MTA3: variants seen among roughly 807,000 people sequenced by gnomAD.
MTA3 encodes metastasis associated 1 family member 3, also known as metastasis-associated protein MTA3.
A neutral mutation model predicts 83.5 loss-of-function variants in MTA3; 34 were observed. The ratio of observed to expected loss-of-function variants is 0.41; its 90% CI spans 0.31 to 0.54. The LOEUF is 0.54. Among genes scored for constraint, MTA3 ranks in the 20% least tolerant of loss-of-function variants. The pLI is 0.33. For missense variants in MTA3, 761 were observed against 726.4 expected, an observed-to-expected ratio of 1.05 and a Z score of -0.55; for synonymous variants, 303 against 252.7, an observed-to-expected ratio of 1.20 and a Z score of -1.89.
chr2:42,535,997 G>A (rs1263621148), intron 2 of MTA3, among the ~76,000 whole-genome samples: 2 of 149,788 alleles, frequency 1.3e-5, no homozygotes, highest in African/African-American at 4.9e-5. Context: ...AGGCAGATCT[G>A]TTGTCACAGC....
chr2:42,655,579 T>A (rs1689090930), intron 6 of MTA3, among the ~76,000 whole-genome samples: 1 of 152,210 alleles, frequency 6.6e-6, no homozygotes, highest in African/African-American at 2.4e-5. Context: ...TTATGCATAG[T>A]TTAAACATCT....
intron 16 of MTA3, among the ~76,000 whole-genome samples, chr2:42,747,747 C>T (rs905160351): frequency 2.0e-5 from 3 of 151,854 alleles, no homozygotes; most frequent in African/African-American, 7.3e-5. Flanking sequence ...TATATCACAC[C>T]TATAAAGACA....
Position 42,635,973 on chromosome 2 carries a change from C to T in MTA3, c.318-4200C>T, listed in dbSNP as rs146615915. ...TAGAGATGGAGTTTCACCATGTTGCCCAGGCTGGTCTTGAACTATACCTGA... is the reference window on the plus strand; with the variant it reads ...TAGAGATGGAGTTTCACCATGTTGCTCAGGCTGGTCTTGAACTATACCTGA... On this transcript the variant is annotated intron_variant, in intron 4 of 16. Coordinates refer to ENST00000405094, the MANE Select transcript of MTA3 (RefSeq NM_001330442.2). Among the ~76,000 whole-genome samples, 507 of 152,158 alleles carry T rather than the reference C, an allele frequency of 3.3e-3. 4 individuals carry two copies. The highest frequency in any genetic ancestry group is 0.011 in the African/African-American group (463 of 41,496).
At chr2:42,694,405 C>G (rs1032147934) in intron 9 of MTA3, among the ~76,000 whole-genome samples, 1 of 152,162 alleles carries the variant, frequency 6.6e-6, no homozygotes, top group African/African-American at 2.4e-5. Context: ...AGCCCATGGT[C>G]ATGAGGCTTG....
intron 11 of MTA3, among the ~76,000 whole-genome samples, chr2:42,701,323 G>A (rs1482297250): frequency 7.0e-6 from 1 of 143,874 alleles, no homozygotes; most frequent in African/African-American, 2.6e-5. Flanking sequence ...TTAAAGGCCA[G>A]GCATGGTGGC....
chr2:42,669,118 T>C (rs1192580541), intron 8 of MTA3, among the ~76,000 whole-genome samples: 11 of 145,890 alleles, frequency 7.5e-5, no homozygotes, highest in Non-Finnish European at 1.3e-4. Context: ...GTAGTCTCGC[T>C]CTGTCACCCA....
intron 2 of MTA3, among the ~76,000 whole-genome samples, chr2:42,514,322 T>A (rs1675037035): frequency 6.6e-6 from 1 of 152,224 alleles, no homozygotes; most frequent in Non-Finnish European, 1.5e-5. Context: ...ATTTATATGA[T>A]GCTTGTAAAA....
chr2:42,657,159 A>G (rs549510225), intron 7 of MTA3, among the ~76,000 whole-genome samples: 3 of 152,250 alleles, frequency 2.0e-5, no homozygotes, highest in Admixed American at 2.0e-4. Flanking sequence ...GCAAAATATT[A>G]CTATGAGTTA....
At chr2:42,517,834 A>ATGCCAC (rs1436146057) in intron 2 of MTA3, among the ~76,000 whole-genome samples, 3 of 141,806 alleles carry the variant, frequency 2.1e-5, no homozygotes, top group Non-Finnish European at 4.5e-5. Flanking sequence ...AGCTGAGATC[A>ATGCCAC]TGCCACTGCA....
intron 3 of MTA3, among the ~76,000 whole-genome samples, chr2:42,588,293 T>C (rs1680572590): frequency 6.6e-6 from 1 of 152,224 alleles, no homozygotes; most frequent in Non-Finnish European, 1.5e-5. Flanking sequence ...GGTGGAGTTT[T>C]ACTATGTATT....
At chr2:42,634,809 A>G (rs931431855) in intron 4 of MTA3, among the ~76,000 whole-genome samples, 14 of 152,080 alleles carry the variant, frequency 9.2e-5, no homozygotes, top group African/African-American at 3.4e-4. Flanking sequence ...TATTCCTACT[A>G]TTAATTTTTC....
intron 8 of MTA3, among the ~76,000 whole-genome samples, chr2:42,661,506 CAA>C (rs1296698587): frequency 4.0e-4 from 11 of 27,198 alleles, no homozygotes; most frequent in African/African-American, 2.2e-3. Flanking sequence ...GACCCTGTCT[CAA>C]AAAAAAAAAA....
Position 42,640,236 on chromosome 2 carries a change from G to A in MTA3, c.381G>A (p.Glu127=). 1 of 1,598,054 alleles carries A rather than the reference G, an allele frequency of 6.3e-7. No individual in the cohort carries two copies. The highest frequency in any genetic ancestry group is 8.5e-7 in the Non-Finnish European group (1 of 1,171,924). The change falls in exon 5 of 17, where the codon GAG becomes GAA. Residue 127 remains glutamate, a splice_region_variant and synonymous_variant. Transcript: ENST00000405094. Reference sequence around the variant, plus strand: ...CAGTATTGTCATATCTTGATAAGGAGGTAATTCACAATCATAGTTGTTTTG... The same window carrying A: ...CAGTATTGTCATATCTTGATAAGGAAGTAATTCACAATCATAGTTGTTTTG... ...TESVLSYLDK[E]DTFFYSLVYD...
intron 12 of MTA3, among the ~76,000 whole-genome samples, chr2:42,707,475 C>T (rs1236030432): frequency 1.3e-5 from 2 of 152,172 alleles, no homozygotes; most frequent in African/African-American, 4.8e-5. Flanking sequence ...TCTTGATCTC[C>T]TGACCTCATG....
At chr2:42,530,021 C>A in intron 2 of MTA3, among the ~76,000 whole-genome samples, 1 of 150,936 alleles carries the variant, frequency 6.6e-6, no homozygotes, top group Non-Finnish European at 1.5e-5. Flanking sequence ...CCAGTCTCTA[C>A]TGAAAATACA....
At chr2:42,592,338 C>G (rs1426668066) in intron 3 of MTA3, among the ~76,000 whole-genome samples, 1 of 152,102 alleles carries the variant, frequency 6.6e-6, no homozygotes. Context: ...AATCCCAGCA[C>G]TTTGGGAGGC....
At chr2:42,525,298 C>A (rs1469096488) in intron 2 of MTA3, among the ~76,000 whole-genome samples, 2 of 151,910 alleles carry the variant, frequency 1.3e-5, no homozygotes, top group Non-Finnish European at 2.9e-5. Context: ...CTCTCAGGTT[C>A]AAGCAATTCT....
chr2:42,580,204 T>A (rs944820123), intron 3 of MTA3, among the ~76,000 whole-genome samples: 1 of 151,726 alleles, frequency 6.6e-6, no homozygotes, highest in African/African-American at 2.4e-5. Flanking sequence ...ACCTTGGCTT[T>A]CCAAAGGCTC....
intron 2 of MTA3, among the ~76,000 whole-genome samples, chr2:42,525,325 G>A (rs181493065): frequency 2.6e-5 from 4 of 151,940 alleles, no homozygotes; most frequent in African/African-American, 9.7e-5. Flanking sequence ...TCAGCCTCCT[G>A]AGTAGCTGGG....
Sources: gnomAD v4.1 joint callset for allele counts (sites outside exome capture counted in the v4.1 genomes callset) on GRCh38, gnomAD v4.1.1 for gene constraint, MANE v1.5 for transcripts, NCBI Gene and HGNC (gene_info 2026-07-23, HGNC 2026-07-21) for gene names.